Variants in RAB30 observed in about 807,000 individuals in gnomAD.
RAB30 encodes the protein ras-related protein Rab-30.
A neutral mutation model predicts 25.1 loss-of-function variants in RAB30; 9 were observed. That is an observed-to-expected ratio of 0.36 (90% CI 0.22 to 0.63). The LOEUF (loss-of-function observed/expected upper bound fraction) is 0.63, where lower values mean the gene tolerates loss of function less well. Among genes scored for constraint, RAB30 ranks in the 20% least tolerant of loss-of-function variants. RAB30 has a pLI of 0.69. For missense variants in RAB30, 140 were observed against 243.5 expected (o/e 0.58, Z 2.83); for synonymous variants, 77 against 86.4 (o/e 0.89, Z 0.60).
At chr11:83,036,629 A>G (rs1857993701) in intron 1 of RAB30, among the ~76,000 whole-genome samples, 1 of 152,240 alleles carries the variant, frequency 6.6e-6, no homozygotes, top group Non-Finnish European at 1.5e-5. Context: ...CCAAAGAACT[A>G]CTGTTCTCAT....
intron 1 of RAB30, among the ~76,000 whole-genome samples, chr11:83,052,219 T>C (rs1858372907): frequency 6.6e-6 from 1 of 152,202 alleles, no homozygotes; most frequent in Non-Finnish European, 1.5e-5. Context: ...AGCCCATTTA[T>C]ACTATATATT....
At position 82,976,750 on chromosome 11, in the gene RAB30, A is replaced by G. The variant is rs567269611; in HGVS notation, c.*5415T>C. 2 of 152,254 alleles carry G rather than the reference A, an allele frequency of 1.3e-5. No homozygotes were observed. Among genetic ancestry groups the G allele is most frequent in the East Asian group, 3.9e-4 (2 of 5,188 alleles). 9.4% of individuals were successfully genotyped at this position (152,254 alleles called of 1,614,324 possible). A position where few individuals can be genotyped will look rare whatever the true frequency, so the allele number is the denominator to read the frequency against. ...CAAAACAAAACCATAAAAAAAGACC[A>G]ATGAAGAGCCGTCTATCAGCCTTGC... On this transcript the variant is annotated 3_prime_UTR_variant, in exon 5 of 5. Coordinates refer to ENST00000527633, the MANE Select transcript of RAB30 (RefSeq NM_001286060.2).
chr11:83,052,156 G>T (rs1015792471), intron 1 of RAB30, among the ~76,000 whole-genome samples: 9 of 152,108 alleles, frequency 5.9e-5, no homozygotes, highest in African/African-American at 2.2e-4. Context: ...GCCAAATTTG[G>T]TCTTTAAGAA....
chr11:82,988,326 G>A (rs1207974967), intron 3 of RAB30, among the ~76,000 whole-genome samples: 1 of 152,178 alleles, frequency 6.6e-6, no homozygotes, highest in Non-Finnish European at 1.5e-5. Context: ...ATGATACAGG[G>A]CAAGCTGTGA....
intron 2 of RAB30, among the ~76,000 whole-genome samples, chr11:82,996,120 C>T (rs1473782408): frequency 2.6e-5 from 4 of 152,230 alleles, no homozygotes; most frequent in African/African-American, 4.8e-5. Flanking sequence ...CACCAGGCCA[C>T]GGCTTAGTAA....
chr11:82,987,283 A>G (rs761890528), intron 4 of RAB30: 7 of 193,776 alleles, frequency 3.6e-5, no homozygotes, highest in Non-Finnish European at 5.2e-5. Context: ...TAGAACAGCC[A>G]TTCCTTTCAT....
chr11:83,002,032 C>T (rs1857097449), intron 1 of RAB30, among the ~76,000 whole-genome samples: 1 of 152,148 alleles, frequency 6.6e-6, no homozygotes, highest in Admixed American at 6.5e-5. Context: ...GAGATATCAT[C>T]CTAAAATCAC....
chr11:83,058,966 A>G (rs1334996554), intron 1 of RAB30, among the ~76,000 whole-genome samples: 1 of 152,170 alleles, frequency 6.6e-6, no homozygotes, highest in Admixed American at 6.5e-5. Context: ...TCTTTTTGAG[A>G]CAGTTTCACT....
intron 1 of RAB30, among the ~76,000 whole-genome samples, chr11:83,056,202 G>A (rs1289610580): frequency 2.0e-5 from 3 of 152,048 alleles, no homozygotes; most frequent in Non-Finnish European, 4.4e-5. Context: ...CCAGCTCCTG[G>A]TAACCACCAT....
chr11:83,071,711 C>T lies in RAB30; in HGVS notation c.-29G>A, dbSNP rs1332515350. 1 of 188,232 alleles carries T rather than the reference C, an allele frequency of 5.3e-6. No individual in the cohort carries two copies. Among genetic ancestry groups the T allele is most frequent in the Non-Finnish European group, 1.1e-5 (1 of 92,468 alleles). The allele number at this position is 188,232 out of a possible 1,614,324, so 11.7% of individuals were successfully genotyped here. A position where few individuals can be genotyped will look rare whatever the true frequency, so the allele number is the denominator to read the frequency against. On this transcript the variant is annotated 5_prime_UTR_variant, in exon 1 of 5. Transcript: ENST00000527633. Reference sequence around the variant, plus strand: ...CTCACCTGGTTTGGGATTTTTCTCCCCACCCCAGGCATAAACAGAAATGGA... The same window carrying T: ...CTCACCTGGTTTGGGATTTTTCTCCTCACCCCAGGCATAAACAGAAATGGA...
chr11:83,026,231 TA>T (rs527870202), intron 1 of RAB30, among the ~76,000 whole-genome samples: 20 of 151,096 alleles, frequency 1.3e-4, no homozygotes, highest in African/African-American at 3.9e-4. Context: ...CACACATACA[TA>T]AAAAAAAATA....
At chr11:83,042,175 T>C (rs1192491369) in intron 1 of RAB30, among the ~76,000 whole-genome samples, 1 of 152,130 alleles carries the variant, frequency 6.6e-6, no homozygotes. Context: ...CCCATAGCAC[T>C]AAATCAGACT....
chr11:83,046,035 G>A (rs1858225956), intron 1 of RAB30, among the ~76,000 whole-genome samples: 1 of 152,168 alleles, frequency 6.6e-6, no homozygotes, highest in African/African-American at 2.4e-5. Flanking sequence ...AGATAAACTG[G>A]TGAAACAAAG....
intron 4 of RAB30, among the ~76,000 whole-genome samples, chr11:82,984,971 A>C (rs1238428639): frequency 6.6e-6 from 1 of 152,200 alleles, no homozygotes; most frequent in Non-Finnish European, 1.5e-5. Context: ...GAAATACATC[A>C]AATTTACTTA....
intron 1 of RAB30, among the ~76,000 whole-genome samples, chr11:83,026,981 T>A (rs1013903391): frequency 6.6e-6 from 1 of 152,122 alleles, no homozygotes; most frequent in African/African-American, 2.4e-5. Flanking sequence ...GACAGTACCT[T>A]GTACTCCTAG....
intron 1 of RAB30, among the ~76,000 whole-genome samples, chr11:83,057,475 G>A (rs1858480964): frequency 6.6e-6 from 1 of 152,134 alleles, no homozygotes; most frequent in Non-Finnish European, 1.5e-5. Flanking sequence ...GGAAGGAAAA[G>A]CTTATTCAAG....
In RAB30 at chr11:83,071,691, C is replaced by T. The variant is rs1341809489; in HGVS notation, c.-9G>A. ...ATTTGAATAAATCACTTCAACTCAC[C>T]TGGTTTGGGATTTTTCTCCCCACCC... On this transcript the variant is annotated splice_region_variant and 5_prime_UTR_variant, in exon 1 of 5. Coordinates refer to ENST00000527633, the MANE Select transcript of RAB30 (RefSeq NM_001286060.2). 5.8e-6 allele frequency: 1 copy of T among 173,606 alleles called. No homozygotes were observed. Among genetic ancestry groups the T allele is most frequent in the African/African-American group, 2.4e-5 (1 of 42,312 alleles). The allele number at this position is 173,606 out of a possible 1,614,324, so 10.8% of individuals were successfully genotyped here. A position where few individuals can be genotyped will look rare whatever the true frequency, so the allele number is the denominator to read the frequency against.
At chr11:83,041,709 T>C (rs1363838170) in intron 1 of RAB30, 1 of 154,022 alleles carries the variant, frequency 6.5e-6, no homozygotes, top group Non-Finnish European at 1.5e-5. Flanking sequence ...AAAAAAAGTT[T>C]TTATAAACTT....
chr11:83,069,148 G>T (rs1286698966), intron 1 of RAB30, among the ~76,000 whole-genome samples: 1 of 152,138 alleles, frequency 6.6e-6, no homozygotes, highest in Non-Finnish European at 1.5e-5. Context: ...AGTTATTTAA[G>T]GTCCCAGAGA....
Sources: allele counts gnomAD v4.1 joint callset (sites outside exome capture counted in the v4.1 genomes callset), GRCh38; gene constraint gnomAD v4.1.1; transcripts MANE v1.5; gene names NCBI Gene and HGNC (gene_info 2026-07-23, HGNC 2026-07-21).